Variants in SUGCT observed in about 807,000 individuals in gnomAD.
The protein encoded by SUGCT is succinyl-CoA:glutarate-CoA transferase.
Under a neutral mutation model 55.0 loss-of-function variants are expected in SUGCT, and 41 were observed. That is an observed-to-expected ratio of 0.74 (90% confidence interval 0.58 to 0.97). The LOEUF (loss-of-function observed/expected upper bound fraction) is 0.97. Among genes scored for constraint, SUGCT ranks in the 50% least tolerant of loss-of-function variants. The pLI is 0.00. For synonymous variants in SUGCT, 187 were observed against 200.4 expected (o/e 0.93, Z 0.56); for missense variants, 568 against 547.8 (o/e 1.04, Z -0.37).
At chr7:40,670,859 A>C (rs899001713) in intron 12 of SUGCT, among the ~76,000 whole-genome samples, 1 of 152,218 alleles carries the variant, frequency 6.6e-6, no homozygotes, top group South Asian at 2.1e-4. Flanking sequence ...AAACAAAAAA[A>C]CCCACCAATT....
intron 9 of SUGCT, among the ~76,000 whole-genome samples, chr7:40,341,644 A>G (rs1797054309): frequency 6.6e-6 from 1 of 152,220 alleles, no homozygotes; most frequent in Non-Finnish European, 1.5e-5. Flanking sequence ...TGGACAAGAA[A>G]GTGGCGGGGA....
chr7:40,392,512 T>A (rs980005953), intron 9 of SUGCT, among the ~76,000 whole-genome samples: 2 of 152,050 alleles, frequency 1.3e-5, no homozygotes, highest in African/African-American at 4.8e-5. Context: ...CATCTTATTA[T>A]TGTTACTTGT....
intron 13 of SUGCT, among the ~76,000 whole-genome samples, chr7:40,756,598 T>A (rs982601272): frequency 6.6e-6 from 1 of 152,182 alleles, no homozygotes; most frequent in South Asian, 2.1e-4. Flanking sequence ...TAAATTTCTA[T>A]AATGGATAAC....
chr7:40,255,422 G>A (rs1218053949), intron 7 of SUGCT, among the ~76,000 whole-genome samples: 1 of 151,590 alleles, frequency 6.6e-6, no homozygotes, highest in Non-Finnish European at 1.5e-5. Context: ...AGCACCTTGG[G>A]AGGCCGGGGC....
chr7:40,509,583 G>A (rs1031159135), intron 12 of SUGCT, among the ~76,000 whole-genome samples: 12 of 152,002 alleles, frequency 7.9e-5, no homozygotes, highest in Non-Finnish European at 1.8e-4. Flanking sequence ...TTTAATTGAG[G>A]GTTTTTTTTA....
intron 12 of SUGCT, among the ~76,000 whole-genome samples, chr7:40,496,761 AACCTCTGATCATATGATTAT>A (rs1042555758): frequency 1.3e-5 from 2 of 152,128 alleles, no homozygotes; most frequent in East Asian, 1.9e-4. Flanking sequence ...GATTATCTTA[AACCTCTGATCATATGATTAT>A]ACCTCTGATC....
the SUGCT span, among the ~76,000 whole-genome samples, chr7:41,009,326 C>T: frequency 6.6e-6 from 1 of 152,022 alleles, no homozygotes; most frequent in African/African-American, 2.4e-5. Flanking sequence ...TTTTTATACC[C>T]AGGGCTCAAT....
the SUGCT span, among the ~76,000 whole-genome samples, chr7:40,930,848 A>G: frequency 6.6e-6 from 1 of 152,192 alleles, no homozygotes; most frequent in Non-Finnish European, 1.5e-5. Context: ...TTCTAAATAT[A>G]CAATCATGTC....
intron 6 of SUGCT, among the ~76,000 whole-genome samples, chr7:40,235,552 C>T (rs1054612100): frequency 1.3e-5 from 2 of 152,190 alleles, no homozygotes; most frequent in East Asian, 3.9e-4. Context: ...GTTTCAAACT[C>T]CTGACCTCAA....
the SUGCT span, among the ~76,000 whole-genome samples, chr7:41,025,367 A>G: frequency 6.6e-6 from 1 of 151,684 alleles, no homozygotes; most frequent in East Asian, 1.9e-4. Flanking sequence ...AAGAGAATCA[A>G]TGTATGATTT....
At chr7:40,934,989 A>T in the SUGCT span, among the ~76,000 whole-genome samples, 445 of 152,280 alleles carry the variant, frequency 2.9e-3, 4 homozygotes, top group Non-Finnish European at 3.7e-3. Flanking sequence ...TGCAGAAATC[A>T]CTTGTCTTCT....
At chr7:40,219,449 T>C (rs1158179242) in intron 6 of SUGCT, among the ~76,000 whole-genome samples, 1 of 152,240 alleles carries the variant, frequency 6.6e-6, no homozygotes, top group African/African-American at 2.4e-5. Context: ...ATGTACTACT[T>C]TGTAGTAATA....
the SUGCT span, among the ~76,000 whole-genome samples, chr7:40,949,603 C>G: frequency 2.8e-4 from 42 of 152,182 alleles, no homozygotes; most frequent in African/African-American, 9.4e-4. Context: ...CCATTTAAGT[C>G]TTTAATCCAT....
chr7:40,143,202 TCCTCCATAATC>T (rs1283178382), intron 1 of SUGCT, among the ~76,000 whole-genome samples: 1 of 152,142 alleles, frequency 6.6e-6, no homozygotes, highest in African/African-American at 2.4e-5. Context: ...CCAGTAAAGG[TCCTCCATAATC>T]CCACCATACA....
chr7:40,775,046 G>A (rs1183517337), intron 13 of SUGCT, among the ~76,000 whole-genome samples: 2 of 152,314 alleles, frequency 1.3e-5, no homozygotes, highest in South Asian at 4.1e-4. Context: ...ACCATGCTAT[G>A]GAATTTCAAC....
At chr7:40,777,269 A>C (rs768436057) in intron 13 of SUGCT, among the ~76,000 whole-genome samples, 1 of 151,840 alleles carries the variant, frequency 6.6e-6, no homozygotes, top group African/African-American at 2.4e-5. Context: ...TTTTTTTTCT[A>C]CTTAACTTGA....
intron 9 of SUGCT, among the ~76,000 whole-genome samples, chr7:40,432,089 C>A (rs1562772397): frequency 6.6e-6 from 1 of 152,050 alleles, no homozygotes; most frequent in African/African-American, 2.4e-5. Flanking sequence ...GATTGGGCAT[C>A]CTTGCTTTGT....
intron 7 of SUGCT, among the ~76,000 whole-genome samples, chr7:40,245,200 A>C (rs1450548099): frequency 2.0e-5 from 3 of 149,632 alleles, no homozygotes; most frequent in African/African-American, 7.4e-5. Flanking sequence ...CATTACAGGC[A>C]CCTGCCACCA....
intron 12 of SUGCT, among the ~76,000 whole-genome samples, chr7:40,571,670 T>G (rs181642652): frequency 6.6e-6 from 1 of 152,188 alleles, no homozygotes; most frequent in Non-Finnish European, 1.5e-5. Flanking sequence ...AAAAATTCAT[T>G]GGCTTGAATC....
Sources: gnomAD v4.1 joint callset for allele counts (sites outside exome capture counted in the v4.1 genomes callset) on GRCh38, gnomAD v4.1.1 for gene constraint, MANE v1.5 for transcripts, NCBI Gene and HGNC (gene_info 2026-07-23, HGNC 2026-07-21) for gene names.